GALNT1: variants seen among roughly 807,000 people sequenced by gnomAD.
GALNT1 encodes the protein polypeptide N-acetylgalactosaminyltransferase 1.
A neutral mutation model predicts 65.7 loss-of-function variants in GALNT1; 17 were observed. The observed-to-expected ratio is 0.26, with a 90% CI of 0.18 to 0.39. GALNT1 has a LOEUF of 0.39. Ranked by LOEUF, GALNT1 falls within the 10% of genes least tolerant of loss-of-function variation. The probability of loss-of-function intolerance (pLI) is 1.00; values close to 1 mark genes in which losing one functional copy is unlikely to be tolerated. For synonymous variants in GALNT1, 210 were observed against 219.7 expected (o/e 0.96, Z 0.39); for missense variants, 460 against 672.8 (o/e 0.68, Z 3.50).
intron 1 of GALNT1, among the ~76,000 whole-genome samples, chr18:35,622,151 T>A (rs2046860350): frequency 1.3e-5 from 2 of 152,274 alleles, no homozygotes; most frequent in Middle Eastern, 3.4e-3. Context: ...ATAAAGATAA[T>A]TTTTTTCTTT....
chr18:35,697,366 A>G (rs1420318386), intron 9 of GALNT1, among the ~76,000 whole-genome samples: 1 of 152,146 alleles, frequency 6.6e-6, no homozygotes, highest in Non-Finnish European at 1.5e-5. Flanking sequence ...TGCTGGGGAG[A>G]AGGAGGTAGA....
chr18:35,673,883 G>C (rs1475251670), intron 3 of GALNT1, among the ~76,000 whole-genome samples: 1 of 152,164 alleles, frequency 6.6e-6, no homozygotes, highest in African/African-American at 2.4e-5. Context: ...AGACAATTTT[G>C]TCATTGTGTA....
chr18:35,590,588 G>T (rs2046431607), intron 1 of GALNT1, among the ~76,000 whole-genome samples: 1 of 152,268 alleles, frequency 6.6e-6, no homozygotes, highest in Middle Eastern at 3.4e-3. Context: ...CATTGCATTG[G>T]TAGAGACACA....
At chr18:35,666,565 C>CT (rs2047552313) in intron 3 of GALNT1, among the ~76,000 whole-genome samples, 1 of 152,214 alleles carries the variant, frequency 6.6e-6, no homozygotes, top group African/African-American at 2.4e-5. Context: ...AATAACCCCC[C>CT]TAAGTATATC....
intron 1 of GALNT1, among the ~76,000 whole-genome samples, chr18:35,611,131 G>A (rs1376317078): frequency 2.6e-5 from 4 of 152,158 alleles, no homozygotes; most frequent in Non-Finnish European, 5.9e-5. Flanking sequence ...AGTAGCAGGA[G>A]TATATTTTCA....
In GALNT1 at chr18:35,654,659, T is replaced by A. The variant is rs756405031; in HGVS notation, c.-4T>A. 2.9e-6 allele frequency: 4 copies of A among 1,391,608 alleles called. 1 individual carries two copies. Among genetic ancestry groups the A allele is most frequent in the Non-Finnish European group, 3.7e-6 (4 of 1,067,300 alleles). 86.2% of individuals were successfully genotyped at this position (1,391,608 alleles called of 1,614,324 possible). Reference sequence around the variant, plus strand: ...TTTAAATTTTGCATTTGACTTAAAGTGCCATGAGAAAATTTGCATACTGCA... The same window carrying A: ...TTTAAATTTTGCATTTGACTTAAAGAGCCATGAGAAAATTTGCATACTGCA... On this transcript the variant is annotated 5_prime_UTR_variant, in exon 2 of 12. Coordinates refer to ENST00000269195, the MANE Select transcript of GALNT1 (RefSeq NM_020474.4).
In GALNT1 at chr18:35,709,848, T is replaced by A. The variant is rs557526769; in HGVS notation, c.*78T>A. The A allele has an allele frequency of 3.9e-6, 6 of 1,532,592 alleles. No homozygotes were observed. The highest frequency in any genetic ancestry group is 5.3e-6 in the Non-Finnish European group (6 of 1,128,372). 94.9% of individuals were successfully genotyped at this position (1,532,592 alleles called of 1,614,324 possible). On this transcript the variant is annotated 3_prime_UTR_variant, in exon 12 of 12. Transcript: ENST00000269195. ...CATACATTTCTGCCACATTCTTAAG[T>A]AGCAAAAAAGGAAAAGTGCTTTCCT...
intron 1 of GALNT1, among the ~76,000 whole-genome samples, chr18:35,638,430 T>A (rs1184437986): frequency 6.6e-6 from 1 of 152,158 alleles, no homozygotes; most frequent in Non-Finnish European, 1.5e-5. Context: ...AACACACTTT[T>A]GGGTAATTAA....
At chr18:35,621,940 T>A (rs1327363637) in intron 1 of GALNT1, among the ~76,000 whole-genome samples, 3 of 152,224 alleles carry the variant, frequency 2.0e-5, no homozygotes, top group Non-Finnish European at 4.4e-5. Context: ...GGTCTTTTCA[T>A]GTGTGTCTGC....
At chr18:35,668,332 C>T (rs1257194990) in intron 3 of GALNT1, among the ~76,000 whole-genome samples, 1 of 152,078 alleles carries the variant, frequency 6.6e-6, no homozygotes, top group South Asian at 2.1e-4. Flanking sequence ...AAGGTGGCGT[C>T]ATTACAGATC....
At chr18:35,641,275 T>C (rs1057072168) in intron 1 of GALNT1, among the ~76,000 whole-genome samples, 1 of 152,146 alleles carries the variant, frequency 6.6e-6, no homozygotes, top group African/African-American at 2.4e-5. Context: ...TGAAACCCTC[T>C]CTTTGCAAAA....
intron 1 of GALNT1, among the ~76,000 whole-genome samples, chr18:35,642,339 A>T (rs1433299241): frequency 6.6e-6 from 1 of 152,236 alleles, no homozygotes; most frequent in African/African-American, 2.4e-5. Flanking sequence ...TCTCAGAAAC[A>T]GTGTTAGAAA....
At chr18:35,687,332 TGTGA>T (rs1259715699) in intron 6 of GALNT1, 146 bp downstream of exon 6, 5 of 690,728 alleles carry the variant, frequency 7.2e-6, no homozygotes, top group Non-Finnish European at 1.1e-5. Flanking sequence ...CTTTCACATA[TGTGA>T]GTGTTTTAAA....
intron 1 of GALNT1, among the ~76,000 whole-genome samples, chr18:35,611,222 C>T (rs918514983): frequency 1.3e-5 from 2 of 152,070 alleles, no homozygotes; most frequent in Non-Finnish European, 2.9e-5. Flanking sequence ...GGTGGGAATA[C>T]GGATTCGGGA....
At chr18:35,615,455 G>C (rs1014569902) in intron 1 of GALNT1, among the ~76,000 whole-genome samples, 3 of 152,114 alleles carry the variant, frequency 2.0e-5, no homozygotes, top group Non-Finnish European at 4.4e-5. Flanking sequence ...ATTGTGAAAG[G>C]CAAAACTTAA....
Position 35,707,114 on chromosome 18 carries a change from G to C in GALNT1, c.1534-2510G>C, listed in dbSNP as rs77149550. ...TTTTTGATTAATAGTTTTGAGTCTT[G>C]CTTGTATTACATATTACATAAAATT... On this transcript the variant is annotated intron_variant, in intron 11 of 11. Coordinates refer to ENST00000269195, the MANE Select transcript of GALNT1 (RefSeq NM_020474.4). Among the ~76,000 whole-genome samples, 242 of 152,224 alleles carry C rather than the reference G, an allele frequency of 1.6e-3. 2 individuals are homozygous for C. The highest frequency in any genetic ancestry group is 5.5e-3 in the African/African-American group (230 of 41,544).
At chr18:35,650,596 G>C (rs567500020) in intron 1 of GALNT1, among the ~76,000 whole-genome samples, 2 of 152,278 alleles carry the variant, frequency 1.3e-5, no homozygotes, top group East Asian at 3.9e-4. Context: ...TCCCAAAGCG[G>C]CCATTTCAGA....
chr18:35,610,648 T>G (rs1598783437), intron 1 of GALNT1, among the ~76,000 whole-genome samples: 1 of 152,224 alleles, frequency 6.6e-6, no homozygotes, highest in East Asian at 1.9e-4. Flanking sequence ...TAGAAATTAC[T>G]GAAGACCCCG....
chr18:35,651,350 C>T (rs983394167), intron 1 of GALNT1, among the ~76,000 whole-genome samples: 6 of 152,090 alleles, frequency 3.9e-5, no homozygotes, highest in Non-Finnish European at 8.8e-5. Flanking sequence ...TGCCACCACC[C>T]CTTTACCTTG....
Sources: gnomAD v4.1 joint callset for allele counts (sites outside exome capture counted in the v4.1 genomes callset) on GRCh38, gnomAD v4.1.1 for gene constraint, MANE v1.5 for transcripts, NCBI Gene and HGNC (gene_info 2026-07-23, HGNC 2026-07-21) for gene names.